Variants in CEP164 observed in about 807,000 individuals in gnomAD.
The protein encoded by CEP164 is centrosomal protein 164.
A neutral mutation model predicts 182.7 loss-of-function variants in CEP164; 162 were observed. The observed-to-expected ratio is 0.89, with a 90% confidence interval of 0.78 to 1.01. The LOEUF (loss-of-function observed/expected upper bound fraction) is 1.01, where lower values mean the gene tolerates loss of function less well. CEP164 is among the 50% of genes least tolerant of loss of function. CEP164 has a pLI of 0.00. For synonymous variants in CEP164, 661 were observed against 690.0 expected, an observed-to-expected ratio of 0.96 and a Z score of 0.66; for missense variants, 1,735 against 1,790.4, an observed-to-expected ratio of 0.97 and a Z score of 0.56.
At chr11:117,410,405 CTG>C in intron 30 of CEP164, 1 of 284,952 alleles carries the variant, frequency 3.5e-6, no homozygotes, top group Non-Finnish European at 6.6e-6. Flanking sequence ...GATGAGGAAA[CTG>C]AGTTTCAGAG....
Position 117,386,478 on chromosome 11 carries a change from T to C in CEP164, c.1725-725T>C, listed in dbSNP as rs190955701. 2.0e-5 allele frequency: 3 copies of C among 152,396 alleles called. No homozygotes were observed. In the East Asian group the frequency reaches 5.8e-4, roughly 29 times the overall value. The allele number at this position is 152,396 out of a possible 1,614,324, so 9.4% of individuals were successfully genotyped here. On this transcript the variant is annotated intron_variant, in intron 14 of 32. Coordinates refer to ENST00000278935, the MANE Select transcript of CEP164 (RefSeq NM_014956.5). Reference sequence around the variant, plus strand: ...CACCCTCCTATGTATCCAGGTCAGCTCTGAATTCCTTTTATTCATTTCTAA... The same window carrying C: ...CACCCTCCTATGTATCCAGGTCAGCCCTGAATTCCTTTTATTCATTTCTAA...
chr11:117,376,199 C>G lies in CEP164; in HGVS notation c.1317+408C>G, dbSNP rs555437337. ...GGGGCACACTCCACCTCCGCCACGCCTCTGCCTGCCACTCTGCTTTCCCAT... is the reference window on the plus strand; with the variant it reads ...GGGGCACACTCCACCTCCGCCACGCGTCTGCCTGCCACTCTGCTTTCCCAT... On this transcript the variant is annotated intron_variant, in intron 11 of 32. Transcript: ENST00000278935. Among the ~76,000 whole-genome samples, 437 of 152,368 alleles carry G rather than the reference C, an allele frequency of 2.9e-3. 5 individuals are homozygous for G. The highest frequency in any genetic ancestry group is 9.1e-3 in the African/African-American group (377 of 41,576).
chr11:117,397,388 C>A, intron 27 of CEP164, 75 bp downstream of exon 27: 2 of 1,403,468 alleles, frequency 1.4e-6, no homozygotes, highest in South Asian at 1.4e-5. Context: ...GTCCTTTGGG[C>A]TCCCCCTCAG....
chr11:117,376,691 A>G (rs961675636), intron 11 of CEP164, among the ~76,000 whole-genome samples: 9 of 152,298 alleles, frequency 5.9e-5, no homozygotes, highest in Middle Eastern at 3.4e-3. Context: ...TTTGAGCCCA[A>G]CATGTTCCTC....
At chr11:117,372,645 G>A (rs1352748943) in intron 9 of CEP164, among the ~76,000 whole-genome samples, 1 of 152,022 alleles carries the variant, frequency 6.6e-6, no homozygotes, top group African/African-American at 2.4e-5. Flanking sequence ...TTGAACTCCC[G>A]ACCTCAGGTG....
rs1401888374 is a variant in CEP164, at chr11:117,362,442, T to C, written c.591T>C (p.Gly197=). 3 of 1,613,644 alleles carry C rather than the reference T, an allele frequency of 1.9e-6. No homozygotes were observed. In the Admixed American group the frequency reaches 5.0e-5, roughly 27 times the overall value. ...QGLKTSAYTK[G]LLGSIYEDKT... ...TCAAGACCTCTGCTTATACAAAGGG[T>C]CTCTTGGGCTCCATATATGAGGACA... Residue 197 remains glycine, a synonymous_variant, in exon 7 of 33, where the codon GGT becomes GGC. Transcript: ENST00000278935.
At chr11:117,371,017 T>C (rs1246583264) in intron 8 of CEP164, 63 bp from the exon 9 acceptor site, 22 of 1,490,040 alleles carry the variant, frequency 1.5e-5, no homozygotes, top group Non-Finnish European at 1.7e-5. Context: ...TCTTGTAGCA[T>C]GTCTCAACTC....
chr11:117,359,535 G>T, intron 5 of CEP164: 1 of 985,420 alleles, frequency 1.0e-6, no homozygotes, highest in Non-Finnish European at 1.2e-6. Context: ...CCACCCACCG[G>T]TCTGGCCCCT....
At chr11:117,380,761 G>A in intron 12 of CEP164, 56 bp downstream of exon 12, 2 of 1,509,616 alleles carry the variant, frequency 1.3e-6, no homozygotes, top group South Asian at 1.2e-5. Flanking sequence ...GTGTGGACTT[G>A]GGCAGAATTC....
rs1271251821 is a variant in CEP164, at chr11:117,411,807, G to C, written c.4176G>C (p.Arg1392=). The C allele has an allele frequency of 6.2e-7, 1 of 1,614,122 alleles. No individual in the cohort carries two copies. The highest frequency in any genetic ancestry group is 1.7e-5 in the Admixed American group (1 of 60,020). ...TCTTCCTTCCCAGTGAGCAGCTCCGGCTCCTACAGCACTCCCATTCGCAAG... is the reference window on the plus strand; with the variant it reads ...TCTTCCTTCCCAGTGAGCAGCTCCGCCTCCTACAGCACTCCCATTCGCAAG... ...LGYMSASEQL[R]LLQHSHSQVP... Residue 1392 remains arginine (R), a synonymous_variant, in exon 32 of 33, where the codon CGG becomes CGC. Coordinates refer to ENST00000278935, the MANE Select transcript of CEP164 (RefSeq NM_014956.5). The surrounding 1 kb of genome is among the most constrained non-coding windows in gnomAD (Gnocchi z 4.4).
intron 5 of CEP164, 131 bp from the exon 6 acceptor site, chr11:117,361,704 A>G: frequency 1.2e-6 from 1 of 855,142 alleles, no homozygotes; most frequent in Non-Finnish European, 1.9e-6. Context: ...GTGTTTCATT[A>G]GCAGCCTCTG....
At chr11:117,365,918 A>G (rs2041588586) in intron 8 of CEP164, among the ~76,000 whole-genome samples, 1 of 152,020 alleles carries the variant, frequency 6.6e-6, no homozygotes, top group Non-Finnish European at 1.5e-5. Context: ...TCTGATGACT[A>G]TGTGCTTCTT....
intron 14 of CEP164, among the ~76,000 whole-genome samples, chr11:117,383,813 G>A (rs2043626612): frequency 1.3e-5 from 2 of 152,304 alleles, no homozygotes; most frequent in South Asian, 4.1e-4. Flanking sequence ...GAGGCAGGTG[G>A]ATCACCTGAG....
chr11:117,380,529 G>A (rs1220805261), intron 11 of CEP164, 85 bp from the exon 12 acceptor site: 13 of 1,113,250 alleles, frequency 1.2e-5, no homozygotes, highest in South Asian at 6.9e-5. Context: ...CAGTGCTTTC[G>A]TCTAAGCTTG....
At chr11:117,395,858 T>C in intron 24 of CEP164, 136 bp downstream of exon 24, 1 of 1,235,522 alleles carries the variant, frequency 8.1e-7, no homozygotes, top group Non-Finnish European at 1.1e-6. Flanking sequence ...AGCCTGTGGC[T>C]ACATTTTGTA....
At chr11:117,384,184 G>C (rs991143550) in intron 14 of CEP164, among the ~76,000 whole-genome samples, 1 of 152,182 alleles carries the variant, frequency 6.6e-6, no homozygotes, top group Non-Finnish European at 1.5e-5. Flanking sequence ...AAGGATTTGG[G>C]ACTGACTCAT....
intron 20 of CEP164, among the ~76,000 whole-genome samples, chr11:117,393,468 C>A (rs2044995094): frequency 6.6e-6 from 1 of 152,166 alleles, no homozygotes; most frequent in Non-Finnish European, 1.5e-5. Context: ...GTGCCAAGAA[C>A]TGTTCTGAGC....
intron 4 of CEP164, among the ~76,000 whole-genome samples, chr11:117,345,656 G>A (rs2038783057): frequency 6.6e-6 from 1 of 151,850 alleles, no homozygotes; most frequent in South Asian, 2.1e-4. Context: ...AGTCCTTCTA[G>A]CTTTTCCTCA....
intron 30 of CEP164, 101 bp downstream of exon 30, chr11:117,410,066 TC>T (rs773097210): frequency 1.8e-6 from 2 of 1,114,102 alleles, no homozygotes; most frequent in Non-Finnish European, 2.7e-6. Context: ...CTCCTCTTCC[TC>T]TTTTGCATCC....
Sources: gnomAD v4.1 joint callset for allele counts (sites outside exome capture counted in the v4.1 genomes callset) on GRCh38, gnomAD v4.1.1 for gene constraint, Gnocchi (gnomAD v3.1) non-coding constraint, MANE v1.5 for transcripts, NCBI Gene and HGNC (gene_info 2026-07-23, HGNC 2026-07-21) for gene names.